DYM: variants seen among roughly 807,000 people sequenced by gnomAD.
The protein encoded by DYM is dymeclin.
Under a neutral mutation model 93.1 loss-of-function variants are expected in DYM, and 78 were observed. The ratio of observed to expected loss-of-function variants is 0.84; its 90% confidence interval spans 0.70 to 1.01. The LOEUF (loss-of-function observed/expected upper bound fraction) is 1.01, where lower values mean the gene tolerates loss of function less well. Among genes scored for constraint, DYM ranks in the 50% least tolerant of loss-of-function variants. The pLI is 0.00. For missense variants in DYM, 789 were observed against 845.0 expected (o/e 0.93, Z 0.82); for synonymous variants, 321 against 319.7 (o/e 1.00, Z -0.04).
intron 11 of DYM, among the ~76,000 whole-genome samples, chr18:49,268,549 A>G (rs2145440996): frequency 6.6e-6 from 1 of 152,302 alleles, no homozygotes; most frequent in East Asian, 1.9e-4. Context: ...TAGCACAATA[A>G]AAAGTATAAC....
At chr18:49,193,562 A>C (rs986222538) in intron 14 of DYM, among the ~76,000 whole-genome samples, 2 of 152,250 alleles carry the variant, frequency 1.3e-5, no homozygotes, top group African/African-American at 4.8e-5. Flanking sequence ...GTTTTAAAAC[A>C]TAAGAGAATA....
At chr18:49,331,665 C>T (rs918725565) in intron 8 of DYM, among the ~76,000 whole-genome samples, 199 bp downstream of exon 8, 7 of 152,218 alleles carry the variant, frequency 4.6e-5, no homozygotes, top group African/African-American at 1.7e-4. Flanking sequence ...GTAATCCATT[C>T]ATTATTTGCA....
chr18:49,204,543 A>C (rs1306912658), intron 14 of DYM, among the ~76,000 whole-genome samples: 1 of 152,082 alleles, frequency 6.6e-6, no homozygotes, highest in Non-Finnish European at 1.5e-5. Flanking sequence ...CTTATTCACT[A>C]CTCCACCCTG....
At chr18:49,162,859 T>C (rs933125454) in intron 15 of DYM, among the ~76,000 whole-genome samples, 1 of 152,106 alleles carries the variant, frequency 6.6e-6, no homozygotes, top group Non-Finnish European at 1.5e-5. Context: ...AGGGCTGGGG[T>C]TGCTATTTTA....
intron 15 of DYM, among the ~76,000 whole-genome samples, chr18:49,127,367 C>A (rs1005496021): frequency 6.6e-6 from 1 of 152,206 alleles, no homozygotes; most frequent in East Asian, 1.9e-4. Context: ...GAATATTTTA[C>A]CTTGTTAACA....
chr18:49,231,159 T>C (rs2093682834), intron 13 of DYM, among the ~76,000 whole-genome samples: 1 of 152,216 alleles, frequency 6.6e-6, no homozygotes, highest in Non-Finnish European at 1.5e-5. Context: ...TTTTCTAATT[T>C]TCAACTTATT....
intron 17 of DYM, among the ~76,000 whole-genome samples, chr18:49,080,598 C>T (rs1464456036): frequency 6.8e-6 from 1 of 146,406 alleles, no homozygotes; most frequent in Admixed American, 6.7e-5. Flanking sequence ...GGCTGACCCC[C>T]CCACCTCCCT....
At chr18:49,296,282 T>C (rs926396914) in intron 8 of DYM, among the ~76,000 whole-genome samples, 1 of 152,198 alleles carries the variant, frequency 6.6e-6, no homozygotes, top group Admixed American at 6.5e-5. Context: ...TGATGATCAG[T>C]TAATTTCTTC....
chr18:49,146,064 T>C (rs780090576), intron 15 of DYM, among the ~76,000 whole-genome samples: 25 of 152,234 alleles, frequency 1.6e-4, no homozygotes, highest in Non-Finnish European at 2.8e-4. Flanking sequence ...TTCTTCCTCC[T>C]CCTTCTCTCC....
chr18:49,384,919 A>G (rs995361144), intron 3 of DYM, among the ~76,000 whole-genome samples: 9 of 151,874 alleles, frequency 5.9e-5, no homozygotes, highest in African/African-American at 1.9e-4. Flanking sequence ...CCATAATGAA[A>G]AAAAGAAAAA....
intron 14 of DYM, among the ~76,000 whole-genome samples, chr18:49,180,126 G>A (rs1221583936): frequency 6.6e-6 from 1 of 152,042 alleles, no homozygotes; most frequent in East Asian, 1.9e-4. Flanking sequence ...AACAGTCCCA[G>A]ATTAAAGAAT....
intron 8 of DYM, among the ~76,000 whole-genome samples, chr18:49,295,347 A>G (rs1402709831): frequency 6.6e-6 from 1 of 152,196 alleles, no homozygotes; most frequent in Non-Finnish European, 1.5e-5. Flanking sequence ...GTAGGACTAC[A>G]TTTCCCAGTC....
intron 15 of DYM, among the ~76,000 whole-genome samples, chr18:49,162,282 T>TA (rs1480437072): frequency 6.6e-6 from 1 of 152,134 alleles, no homozygotes; most frequent in African/African-American, 2.4e-5. Flanking sequence ...AGGTAATTTA[T>TA]AAAGAAAAAG....
intron 1 of DYM, among the ~76,000 whole-genome samples, chr18:49,441,447 C>A (rs1460544621): frequency 7.2e-6 from 1 of 138,772 alleles, no homozygotes; most frequent in Non-Finnish European, 1.5e-5. Flanking sequence ...AACAGGAGAT[C>A]AGAGAAATAA....
rs529072788 is a variant in DYM, at chr18:49,395,469, A to G, written c.141-3824T>C. On this transcript the variant is annotated intron_variant, in intron 2 of 17. Transcript: ENST00000675505. ...ACATGGAGAAACCCTATCTCTACTA[A>G]AAATACAAAATAAGCCAGGTGTGGT... Among the ~76,000 whole-genome samples the G allele has an allele frequency of 4.6e-5, 7 of 152,216 alleles. No homozygotes were observed. In the South Asian group the frequency reaches 1.5e-3, roughly 32 times the overall value.
chr18:49,076,902 T>C (rs545009603), intron 17 of DYM, among the ~76,000 whole-genome samples: 15 of 152,284 alleles, frequency 9.9e-5, no homozygotes, highest in African/African-American at 2.9e-4. Flanking sequence ...CGTATATAGT[T>C]CCTTTTTCCA....
intron 17 of DYM, among the ~76,000 whole-genome samples, chr18:49,069,539 T>A (rs1423565909): frequency 6.6e-6 from 1 of 152,222 alleles, no homozygotes; most frequent in African/African-American, 2.4e-5. Context: ...TATAAGATAC[T>A]GAAAAGTAAG....
chr18:49,350,716 G>GAAAAATAAAGAAAAAAAA (rs2065034436), intron 6 of DYM, among the ~76,000 whole-genome samples: 1 of 54,804 alleles, frequency 1.8e-5, no homozygotes. Flanking sequence ...AAGAAAAAAA[G>GAAAAATAAAGAAAAAAAA]AAAAAAAAAG....
chr18:49,315,253 T>C (rs542446112), intron 8 of DYM, among the ~76,000 whole-genome samples: 1 of 152,188 alleles, frequency 6.6e-6, no homozygotes, highest in South Asian at 2.1e-4. Context: ...GCTTATTTCT[T>C]TAACCATTTA....
Sources: allele counts gnomAD v4.1 joint callset (sites outside exome capture counted in the v4.1 genomes callset), GRCh38; gene constraint gnomAD v4.1.1; transcripts MANE v1.5; gene names NCBI Gene and HGNC (gene_info 2026-07-23, HGNC 2026-07-21).